LAMB4: variants seen among roughly 807,000 people sequenced by gnomAD.
The protein encoded by LAMB4 is laminin subunit beta 4.
LAMB4 carries 196 observed loss-of-function variants against 199.2 expected under a neutral mutation model. That is an observed-to-expected ratio of 0.98 (90% CI 0.88 to 1.11). LAMB4 has a LOEUF of 1.11. LAMB4 is among the 50% of genes least tolerant of loss of function. The pLI is 0.00. For missense variants in LAMB4, 2,080 were observed against 2,171.2 expected (o/e 0.96, Z 0.83); for synonymous variants, 744 against 770.6 (o/e 0.97, Z 0.57).
Position 108,103,226 on chromosome 7 carries a change from C to T in LAMB4, c.998G>A (p.Ser333Asn). Residue 333 changes from serine to asparagine, a missense_variant, in exon 10 of 34, where the codon AGC becomes AAC. Transcript: ENST00000388781. ...DLQDNACRSC[S>N]CNSHSSRCHF... ...ACAGCGGCTGGAGTGGCTATTACAG[C>T]TGCACGCTGAAAGGAGAAGACAGTG... 6.4e-7 allele frequency: 1 copy of T among 1,554,150 alleles called. No individual in the cohort carries two copies. Among genetic ancestry groups the T allele is most frequent in the Non-Finnish European group, 8.7e-7 (1 of 1,148,000 alleles).
At chr7:108,078,357 C>A (rs371790643) in intron 15 of LAMB4, 41 bp from the exon 16 acceptor site, 2 of 1,294,770 alleles carry the variant, frequency 1.5e-6, no homozygotes, top group Non-Finnish European at 2.2e-6. Flanking sequence ...TGCAAGGATG[C>A]AGGAAAATGT....
rs780771826 is a variant in LAMB4 at position 108,034,196 on chromosome 7, G to A, written c.4818+12C>T. On this transcript the variant is annotated intron_variant, in intron 31 of 33. Transcript: ENST00000388781. ...AAACCTATTTCAGGTTAGTTTCAAA[G>A]AAGACAAATACCTGCAGCACATTCT... 5.0e-6 allele frequency: 8 copies of A among 1,613,526 alleles called. No homozygotes were observed. The highest frequency in any genetic ancestry group is 1.6e-4 in the Middle Eastern group (1 of 6,080).
chr7:108,038,877 C>T (rs1486903913), intron 29 of LAMB4, among the ~76,000 whole-genome samples: 1 of 152,172 alleles, frequency 6.6e-6, no homozygotes, highest in Non-Finnish European at 1.5e-5. Context: ...ATCTTATCCT[C>T]AGGGGGCTTG....
intron 10 of LAMB4, among the ~76,000 whole-genome samples, chr7:108,099,055 C>G (rs758787584): frequency 1.3e-5 from 2 of 152,156 alleles, no homozygotes; most frequent in Non-Finnish European, 2.9e-5. Context: ...GTCAAAATCT[C>G]TGAAACGTGC....
intron 18 of LAMB4, 43 bp downstream of exon 18, chr7:108,069,665 T>A (rs372376190): frequency 6.4e-7 from 1 of 1,558,678 alleles, no homozygotes; most frequent in African/African-American, 1.4e-5. Flanking sequence ...AGCATTTGTA[T>A]GGATGTCAGT....
At chr7:108,012,693 C>G in the LAMB4 span, among the ~76,000 whole-genome samples, 1 of 152,190 alleles carries the variant, frequency 6.6e-6, no homozygotes, top group Non-Finnish European at 1.5e-5. Flanking sequence ...GAAACAAGTA[C>G]AAAGTTCACA....
intron 18 of LAMB4, 50 bp from the exon 19 acceptor site, chr7:108,068,209 G>A: frequency 6.3e-7 from 1 of 1,597,350 alleles, no homozygotes; most frequent in South Asian, 1.1e-5. Flanking sequence ...AGGCAGAGAA[G>A]CACCTCACCT....
chr7:108,043,545 G>GTGTTTT (rs2035496985), intron 29 of LAMB4, among the ~76,000 whole-genome samples: 3 of 55,996 alleles, frequency 5.4e-5, no homozygotes, highest in African/African-American at 4.4e-4. Context: ...TGGCTATGAT[G>GTGTTTT]TTTTTTTTTT....
At chr7:108,063,062 A>C in intron 22 of LAMB4, 68 bp from the exon 23 acceptor site, 6 of 1,018,166 alleles carry the variant, frequency 5.9e-6, no homozygotes, top group African/African-American at 1.6e-5. Flanking sequence ...AACCATACAA[A>C]CAGCGTTTTA....
intron 27 of LAMB4, 117 bp from the exon 28 acceptor site, chr7:108,048,228 G>T: frequency 1.2e-6 from 1 of 804,056 alleles, no homozygotes; most frequent in Non-Finnish European, 1.9e-6. Context: ...GCAATAGCGT[G>T]ACCTTGGCTC....
intron 13 of LAMB4, 102 bp downstream of exon 13, chr7:108,092,235 G>T: frequency 1.2e-6 from 1 of 813,186 alleles, no homozygotes; most frequent in Non-Finnish European, 2.0e-6. Context: ...ATCATTGCTT[G>T]TCATGGAATG....
At chr7:108,099,521 A>T (rs1035918447) in intron 10 of LAMB4, among the ~76,000 whole-genome samples, 1 of 152,190 alleles carries the variant, frequency 6.6e-6, no homozygotes, top group Non-Finnish European at 1.5e-5. Flanking sequence ...GTCCAGGTAG[A>T]TGTTGAAACA....
At chr7:108,026,515 G>T in intron 33 of LAMB4, 1 of 171,776 alleles carries the variant, frequency 5.8e-6, no homozygotes, top group South Asian at 1.4e-4. Context: ...GGTGAGACCT[G>T]TCGAAGAACC....
Position 108,065,774 on chromosome 7 carries a change from G to C in LAMB4, c.2824C>G (p.Gln942Glu). ...WSSDVICNCL[Q>E]GYTGTQCGEC... Reference sequence around the variant, plus strand: ...CTATACTGCATACCCGTATAACCTTGAAGACAATTGCAGATTACATCTGAG... The same window carrying C: ...CTATACTGCATACCCGTATAACCTTCAAGACAATTGCAGATTACATCTGAG... Residue 942 changes from glutamine to glutamate, a missense_variant, in exon 21 of 34, where the codon CAA (glutamine) becomes GAA (glutamate). Transcript: ENST00000388781. 1 of 1,614,028 alleles carries C rather than the reference G, an allele frequency of 6.2e-7. No individual in the cohort carries two copies. The highest frequency in any genetic ancestry group is 1.3e-5 in the African/African-American group (1 of 75,042).
At chr7:108,052,807 C>T (rs2035867153) in intron 25 of LAMB4, among the ~76,000 whole-genome samples, 1 of 152,036 alleles carries the variant, frequency 6.6e-6, no homozygotes, top group Admixed American at 6.6e-5. Context: ...TTTCCATCAC[C>T]TTCTTCTTTG....
At chr7:108,039,068 G>T (rs188527705) in intron 29 of LAMB4, among the ~76,000 whole-genome samples, 1 of 152,328 alleles carries the variant, frequency 6.6e-6, no homozygotes, top group Non-Finnish European at 1.5e-5. Flanking sequence ...AGACTGTGGG[G>T]TGTGGGGAGG....
At chr7:108,095,164 C>A in intron 12 of LAMB4, 64 bp downstream of exon 12, 1 of 1,200,140 alleles carries the variant, frequency 8.3e-7, no homozygotes, top group Non-Finnish European at 1.2e-6. Context: ...CCAAGTCTTA[C>A]CTAGGCAATG....
rs1008220203 is a variant in LAMB4 at position 108,064,435 on chromosome 7, G to A, written c.2837-450C>T. ...CAAACAGCAATAGCTGTCACTTCTA[G>A]AAGTGAAGATGAGCAAGAGCAGTTT... On this transcript the variant is annotated intron_variant, in intron 21 of 33. Transcript: ENST00000388781. 1.3e-5 allele frequency among the ~76,000 whole-genome samples: 2 copies of A among 152,332 alleles called. 1 individual carries two copies. Among genetic ancestry groups the A allele is most frequent in the Admixed American group, 1.3e-4 (2 of 15,306 alleles).
At chr7:108,116,264 T>C in intron 2 of LAMB4, 103 bp from the exon 3 acceptor site, 2 of 1,133,496 alleles carry the variant, frequency 1.8e-6, no homozygotes, top group African/African-American at 3.1e-5. Context: ...TTATTTAATA[T>C]TGGCCAAAGA....
Sources: gnomAD v4.1 joint callset for allele counts (sites outside exome capture counted in the v4.1 genomes callset) on GRCh38, gnomAD v4.1.1 for gene constraint, MANE v1.5 for transcripts, NCBI Gene and HGNC (gene_info 2026-07-23, HGNC 2026-07-21) for gene names.